The following MID1 variants were observed in gnomAD, a reference collection of about 807,000 sequenced individuals.
MID1 encodes the protein midline 1, also known as E3 ubiquitin-protein ligase Midline-1.
In MID1, 7 loss-of-function variants were observed where a neutral mutation model predicts 40.4. The ratio of observed to expected loss-of-function variants is 0.17; its 90% CI spans 0.10 to 0.33. MID1 has a LOEUF of 0.33. MID1 is among the 10% of genes least tolerant of loss of function. The pLI, the probability that MID1 is intolerant of heterozygous loss-of-function variation, is 1.00. For synonymous variants in MID1, 229 were observed against 221.2 expected (o/e 1.04, Z -0.31); for missense variants, 367 against 558.5 (o/e 0.66, Z 3.46).
intron 1 of MID1, among the ~76,000 whole-genome samples, chrX:10,635,460 T>G (rs2055566047): frequency 8.9e-6 from 1 of 112,247 alleles, no homozygotes; most frequent in South Asian, 3.7e-4. Flanking sequence ...TTCCATCTTT[T>G]ACTGCAAATA....
chrX:10,567,324 C>T lies in MID1; in HGVS notation c.224G>A (p.Arg75His), dbSNP rs998633414. 1 of 1,192,199 alleles carries T rather than the reference C, an allele frequency of 8.4e-7. No homozygotes were observed. The highest frequency in any genetic ancestry group is 2.2e-5 in the Admixed American group (1 of 45,061). The change falls in exon 2 of 10, where the codon CGC becomes CAC. Residue 75 changes from arginine (R) to histidine (H), a missense_variant. By Grantham distance (29) the Arg-to-His change is conservative. This residue lies in a region of MID1 where 78 missense variants were observed against 112.6 expected (regional missense o/e 0.69). Transcript: ENST00000317552. ...GATGATGTTCTGTAGGGTGACGTTG[C>T]GCTTGAGCCCGTCTAGACCTCGCTG... ...LSQRGLDGLKRNVTLQNIIDR... is the reference protein window; with the variant it reads ...LSQRGLDGLKHNVTLQNIIDR...
chrX:10,540,200 C>G (rs1242584270), intron 2 of MID1, among the ~76,000 whole-genome samples: 1 of 111,168 alleles, frequency 9.0e-6, no homozygotes, highest in Non-Finnish European at 1.9e-5. Flanking sequence ...GACTCCATCT[C>G]AAAAAAGAAA....
intron 1 of MID1, among the ~76,000 whole-genome samples, chrX:10,809,003 G>A (rs193123700): frequency 9.0e-6 from 1 of 111,463 alleles, no homozygotes; most frequent in Admixed American, 9.5e-5. Flanking sequence ...CTACAGAATG[G>A]GGGAAAAATT....
intron 2 of MID1, among the ~76,000 whole-genome samples, chrX:10,538,890 G>A (rs1933364331): frequency 8.9e-6 from 1 of 112,359 alleles, no homozygotes; most frequent in Non-Finnish European, 1.9e-5. Flanking sequence ...GTCATATGAA[G>A]CCAAATCTTA....
Position 10,455,063 on chromosome X carries a change from G to A in MID1, c.1462C>T (p.Leu488=). The A allele has an allele frequency of 8.3e-7, 1 of 1,208,021 alleles. No homozygotes were observed. Residue 488 remains leucine, a synonymous_variant, in exon 9 of 10, where the codon CTG becomes TTG. Coordinates refer to ENST00000317552, the MANE Select transcript of MID1 (RefSeq NM_000381.4). ...TTTCGATGAGCAGATTTGGGATCCA[G>A]TTTAAATGGTTGGCCTGAAAACAAA... The part of the protein sequence containing the change: ...KLKTNSQPFK[L]DPKSAHRKLK...
At chrX:10,630,033 T>G (rs1159824082) in intron 1 of MID1, among the ~76,000 whole-genome samples, 2 of 111,826 alleles carry the variant, frequency 1.8e-5, no homozygotes, top group African/African-American at 6.5e-5. Context: ...AGGTATTCAG[T>G]AAGTATTTAT....
chrX:10,514,004 A>G (rs905940108), intron 3 of MID1, among the ~76,000 whole-genome samples: 2 of 112,073 alleles, frequency 1.8e-5, no homozygotes, highest in Non-Finnish European at 3.8e-5. Context: ...AATAAGATAT[A>G]TCAGAAAAAA....
chrX:10,725,910 C>T (rs1002298404), intron 1 of MID1, among the ~76,000 whole-genome samples: 2 of 111,986 alleles, frequency 1.8e-5, no homozygotes, highest in African/African-American at 6.5e-5. Flanking sequence ...AGAAATAATA[C>T]AGACAATAAA....
intron 7 of MID1, chrX:10,460,108 G>C (rs1928935711): frequency 2.8e-6 from 1 of 355,875 alleles, no homozygotes; most frequent in African/African-American, 2.6e-5. Context: ...ACTTGCTTTG[G>C]TCAATAGCAT....
At chrX:10,565,377 C>A (rs905488655) in intron 2 of MID1, 2 of 329,278 alleles carry the variant, frequency 6.1e-6, no homozygotes, top group African/African-American at 5.3e-5. Context: ...CAAGAAATAG[C>A]AAAGCCAAAT....
chrX:10,589,261 C>T (rs987745496), intron 1 of MID1, among the ~76,000 whole-genome samples: 9 of 111,841 alleles, frequency 8.0e-5, no homozygotes, highest in Middle Eastern at 4.7e-3. Context: ...ACTGCCACAC[C>T]GTGGGTGATC....
chrX:10,615,420 T>C (rs1382250454), intron 1 of MID1, among the ~76,000 whole-genome samples: 5 of 112,474 alleles, frequency 4.4e-5, no homozygotes, highest in African/African-American at 1.6e-4. Flanking sequence ...AAGGACAGCC[T>C]TTATATTATA....
At chrX:10,620,206 C>T (rs1935912013) in intron 1 of MID1, 84 bp downstream of exon 1, 1 of 112,704 alleles carries the variant, frequency 8.9e-6, no homozygotes, top group South Asian at 3.7e-4. Flanking sequence ...CCTGCTAACC[C>T]AGCAAGCTCT....
At chrX:10,605,655 T>G (rs919632522) in intron 1 of MID1, among the ~76,000 whole-genome samples, 3 of 111,930 alleles carry the variant, frequency 2.7e-5, no homozygotes, top group South Asian at 3.7e-4. Context: ...TTTCAAAGTA[T>G]TTTTGAGTAT....
At chrX:10,663,775 G>A (rs865780843) in intron 1 of MID1, among the ~76,000 whole-genome samples, 275 of 110,852 alleles carry the variant, frequency 2.5e-3, no homozygotes, top group South Asian at 4.3e-3. Flanking sequence ...TGCTATGATG[G>A]CCTCTTAAAG....
intron 1 of MID1, among the ~76,000 whole-genome samples, chrX:10,613,696 AAT>A (rs1177605401): frequency 0.045 from 755 of 16,742 alleles, 9 homozygotes; most frequent in Middle Eastern, 0.074. Flanking sequence ...AACTGAAAGG[AAT>A]ATATATATAT....
chrX:10,725,309 G>A (rs1290083537), intron 1 of MID1, among the ~76,000 whole-genome samples: 1 of 111,293 alleles, frequency 9.0e-6, no homozygotes, highest in Non-Finnish European at 1.9e-5. Context: ...TTCCCCAAGG[G>A]CTTTCCCAGT....
chrX:10,775,747 T>C (rs188414955), intron 1 of MID1, among the ~76,000 whole-genome samples: 1 of 111,693 alleles, frequency 9.0e-6, no homozygotes, highest in East Asian at 2.8e-4. Context: ...GGATTCTTTG[T>C]TGTGGGTAAT....
intron 1 of MID1, among the ~76,000 whole-genome samples, chrX:10,573,126 T>C (rs1226580158): frequency 8.9e-6 from 1 of 112,613 alleles, no homozygotes; most frequent in Non-Finnish European, 1.9e-5. Flanking sequence ...TCAAGACTTA[T>C]GAGGAAAGTA....
Sources: gnomAD v4.1 joint callset for allele counts (sites outside exome capture counted in the v4.1 genomes callset) on GRCh38, gnomAD v4.1.1 for gene constraint, gnomAD v4.1.1 regional missense constraint, MANE v1.5 for transcripts, NCBI Gene and HGNC (gene_info 2026-07-23, HGNC 2026-07-21) for gene names.